CNTN5: variants seen among roughly 807,000 people sequenced by gnomAD.
CNTN5 encodes the protein contactin 5.
CNTN5 carries 77 observed loss-of-function variants against 129.1 expected under a neutral mutation model. The ratio of observed to expected loss-of-function variants is 0.60; its 90% confidence interval spans 0.50 to 0.72. The LOEUF is 0.72. CNTN5 is among the 30% of genes least tolerant of loss of function. The pLI is 0.00. For missense variants in CNTN5, 1,478 were observed against 1,328.8 expected (o/e 1.11, Z -1.75); for synonymous variants, 509 against 465.6 (o/e 1.09, Z -1.20).
intron 1 of CNTN5, among the ~76,000 whole-genome samples, chr11:99,294,575 GT>G (rs937647939): frequency 6.6e-6 from 1 of 152,062 alleles, no homozygotes; most frequent in Non-Finnish European, 1.5e-5. Flanking sequence ...AAGTAATATT[GT>G]TATAAATTTC....
chr11:99,194,565 A>G (rs1255779627), intron 1 of CNTN5, among the ~76,000 whole-genome samples: 1 of 152,164 alleles, frequency 6.6e-6, no homozygotes, highest in Non-Finnish European at 1.5e-5. Flanking sequence ...AAAAAAGATT[A>G]CTTAGAAGTC....
At chr11:99,137,800 A>G (rs949537841) in intron 1 of CNTN5, among the ~76,000 whole-genome samples, 8 of 142,208 alleles carry the variant, frequency 5.6e-5, no homozygotes, top group Non-Finnish European at 1.2e-4. Flanking sequence ...CTTCATAAGT[A>G]TACATCAATC....
At chr11:100,115,984 A>G (rs1181210136) in intron 13 of CNTN5, among the ~76,000 whole-genome samples, 1 of 151,954 alleles carries the variant, frequency 6.6e-6, no homozygotes, top group African/African-American at 2.4e-5. Context: ...GAAGAAGAGA[A>G]TTTGTTGGAT....
chr11:99,060,978 C>T (rs1279153757), intron 1 of CNTN5, among the ~76,000 whole-genome samples: 2 of 152,118 alleles, frequency 1.3e-5, no homozygotes, highest in African/African-American at 4.8e-5. Flanking sequence ...GTCTCTTCCT[C>T]CAAACTCCAA....
chr11:100,101,436 G>T (rs1945220110), intron 13 of CNTN5, among the ~76,000 whole-genome samples: 1 of 152,018 alleles, frequency 6.6e-6, no homozygotes, highest in South Asian at 2.1e-4. Context: ...ACTCAGTCAT[G>T]TATCTTTTAC....
At chr11:99,857,020 A>G (rs1276036358) in intron 6 of CNTN5, among the ~76,000 whole-genome samples, 12 of 113,278 alleles carry the variant, frequency 1.1e-4, no homozygotes, top group African/African-American at 7.2e-5. Context: ...CTCTCTCTCT[A>G]TCTATCTCTA....
chr11:99,400,037 T>C (rs1434888425), intron 2 of CNTN5, among the ~76,000 whole-genome samples: 1 of 152,054 alleles, frequency 6.6e-6, no homozygotes, highest in Non-Finnish European at 1.5e-5. Flanking sequence ...ACAATGGTAC[T>C]TTTAGTACTT....
chr11:99,633,752 A>T (rs638740), intron 3 of CNTN5, among the ~76,000 whole-genome samples: 91,780 of 152,046 alleles, frequency 0.6, 28,530 homozygotes, highest in Admixed American at 0.69. Context: ...ATTAGGGTTT[A>T]TGTTTGTTTG....
intron 3 of CNTN5, among the ~76,000 whole-genome samples, chr11:99,699,387 T>C (rs1241632370): frequency 1.3e-5 from 2 of 151,556 alleles, no homozygotes; most frequent in African/African-American, 4.8e-5. Context: ...CACTCTTTAA[T>C]ATCTACAGTA....
At chr11:99,050,721 T>C (rs1864392704) in intron 1 of CNTN5, among the ~76,000 whole-genome samples, 1 of 150,890 alleles carries the variant, frequency 6.6e-6, no homozygotes, top group Non-Finnish European at 1.5e-5. Flanking sequence ...CTTACAATTT[T>C]TAGGGGCTTC....
chr11:99,780,092 G>A (rs1403578241), intron 3 of CNTN5, among the ~76,000 whole-genome samples: 1 of 152,032 alleles, frequency 6.6e-6, no homozygotes, highest in African/African-American at 2.4e-5. Context: ...CCTTAAAAAT[G>A]TTTTGGCAAC....
chr11:100,293,732 C>G (rs756848543), intron 18 of CNTN5, among the ~76,000 whole-genome samples: 3 of 151,698 alleles, frequency 2.0e-5, no homozygotes, highest in Non-Finnish European at 2.9e-5. Context: ...CTTTCTTACT[C>G]CCACTTCTCA....
At chr11:99,238,505 C>G (rs181280733) in intron 1 of CNTN5, among the ~76,000 whole-genome samples, 2 of 152,226 alleles carry the variant, frequency 1.3e-5, no homozygotes, top group East Asian at 3.9e-4. Context: ...TTTTTTGAAA[C>G]AACTTAGTTT....
intron 1 of CNTN5, among the ~76,000 whole-genome samples, chr11:99,205,219 T>C (rs1475435637): frequency 6.6e-6 from 1 of 152,178 alleles, no homozygotes; most frequent in Non-Finnish European, 1.5e-5. Context: ...AAGTGTTTTC[T>C]TGGTCACTGA....
At chr11:100,056,965 T>TC (rs930198582) in intron 9 of CNTN5, among the ~76,000 whole-genome samples, 7 of 151,626 alleles carry the variant, frequency 4.6e-5, no homozygotes, top group Admixed American at 4.0e-4. Context: ...TATACTTTTT[T>TC]CCCAATAACA....
At chr11:99,848,764 T>C (rs750361982) in intron 6 of CNTN5, among the ~76,000 whole-genome samples, 1 of 152,182 alleles carries the variant, frequency 6.6e-6, no homozygotes, top group Non-Finnish European at 1.5e-5. Flanking sequence ...TTTTAGATTA[T>C]TTTTATGCTG....
At chr11:99,938,472 A>C (rs918482900) in intron 7 of CNTN5, among the ~76,000 whole-genome samples, 1 of 152,130 alleles carries the variant, frequency 6.6e-6, no homozygotes, top group African/African-American at 2.4e-5. Context: ...CAGCTCTTAG[A>C]TCTATCTACC....
At chr11:99,933,430 A>C (rs987974639) in intron 7 of CNTN5, among the ~76,000 whole-genome samples, 71 of 152,186 alleles carry the variant, frequency 4.7e-4, no homozygotes, top group African/African-American at 1.7e-3. Context: ...TCATGTAACC[A>C]CTACCATAAT....
intron 21 of CNTN5, among the ~76,000 whole-genome samples, chr11:100,333,989 T>C (rs1039774948): frequency 2.0e-5 from 3 of 152,104 alleles, no homozygotes; most frequent in Non-Finnish European, 4.4e-5. Context: ...TCAGCAGAGT[T>C]AACAGACAAC....
Sources: allele counts gnomAD v4.1 joint callset (sites outside exome capture counted in the v4.1 genomes callset), GRCh38; gene constraint gnomAD v4.1.1; transcripts MANE v1.5; gene names NCBI Gene and HGNC (gene_info 2026-07-23, HGNC 2026-07-21).